TRHDE: variants seen among roughly 807,000 people sequenced by gnomAD.
The protein encoded by TRHDE is thyrotropin releasing hormone degrading enzyme.
TRHDE carries 72 observed loss-of-function variants against 125.7 expected under a neutral mutation model. That is an observed-to-expected ratio of 0.57 (90% CI 0.47 to 0.70). The LOEUF (loss-of-function observed/expected upper bound fraction) is 0.70. TRHDE is among the 30% of genes least tolerant of loss of function. The probability of loss-of-function intolerance (pLI) is 0.00; values close to 1 mark genes in which losing one functional copy is unlikely to be tolerated. For missense variants in TRHDE, 1,110 were observed against 1,327.1 expected, an observed-to-expected ratio of 0.84 and a Z score of 2.54; for synonymous variants, 509 against 509.1, an observed-to-expected ratio of 1.00 and a Z score of 0.00.
At chr12:72,519,645 G>A (rs943749678) in intron 6 of TRHDE, among the ~76,000 whole-genome samples, 12 of 152,326 alleles carry the variant, frequency 7.9e-5, no homozygotes, top group Admixed American at 3.3e-4. Context: ...CTCTCAGCTC[G>A]TCAAAGTCAT....
At chr12:72,343,706 TTTTTGAAGTGAAAAAAAGAATTGAC>T (rs1440689899) in intron 2 of TRHDE, among the ~76,000 whole-genome samples, 2 of 152,134 alleles carry the variant, frequency 1.3e-5, no homozygotes, top group Non-Finnish European at 2.9e-5. Flanking sequence ...TCTTATATGA[TTTTTGAAGTGAAAAAAAGAATTGAC>T]TGTAGATAGA....
intron 5 of TRHDE, among the ~76,000 whole-genome samples, chr12:72,480,124 C>T (rs1263170023): frequency 2.0e-5 from 3 of 151,906 alleles, no homozygotes; most frequent in East Asian, 3.9e-4. Context: ...AATAAACATA[C>T]GTGTGCATGT....
chr12:72,614,676 A>T lies in TRHDE; in HGVS notation c.2322-4215A>T, dbSNP rs921542992. Among the ~76,000 whole-genome samples, 7 of 152,224 alleles carry T rather than the reference A, an allele frequency of 4.6e-5. No individual in the cohort carries two copies. The South Asian group carries it at 1.2e-3, about 27-fold the overall frequency. ...AGAGTAGAGTATGATGCTCCAAAGA[A>T]TCTGAGAATTGTGTTTTATTTTTAT... On this transcript the variant is annotated intron_variant, in intron 12 of 18. Coordinates refer to ENST00000261180, the MANE Select transcript of TRHDE (RefSeq NM_013381.3).
chr12:72,534,851 AT>A, intron 6 of TRHDE, among the ~76,000 whole-genome samples: 1 of 152,234 alleles, frequency 6.6e-6, no homozygotes, highest in South Asian at 2.1e-4. Flanking sequence ...ACTGATATAA[AT>A]AAGCATGATT....
At chr12:72,250,721 G>A (rs1176315621) in intron 2 of TRHDE, among the ~76,000 whole-genome samples, 1 of 151,226 alleles carries the variant, frequency 6.6e-6, no homozygotes, top group Non-Finnish European at 1.5e-5. Context: ...CTTTCCCTTT[G>A]GCCAGAGAAA....
intron 2 of TRHDE, among the ~76,000 whole-genome samples, chr12:72,298,771 A>G (rs1237654150): frequency 1.3e-5 from 2 of 152,204 alleles, no homozygotes; most frequent in Admixed American, 1.3e-4. Context: ...TGGAGATAAT[A>G]CAAAATGTCT....
chr12:72,213,075 A>G (rs1273722986), intron 2 of TRHDE, among the ~76,000 whole-genome samples: 1 of 152,194 alleles, frequency 6.6e-6, no homozygotes, highest in Admixed American at 6.6e-5. Context: ...GAAAGAAGAT[A>G]GTCACAAAAG....
At chr12:72,153,841 G>A (rs546003713) in intron 2 of TRHDE, among the ~76,000 whole-genome samples, 44 of 152,336 alleles carry the variant, frequency 2.9e-4, no homozygotes, top group South Asian at 1.2e-3. Context: ...TGGAATAGGT[G>A]TGGTGTGCTG....
intron 2 of TRHDE, among the ~76,000 whole-genome samples, chr12:72,330,738 C>G (rs1869555469): frequency 6.6e-6 from 1 of 152,140 alleles, no homozygotes. Flanking sequence ...AAATAATATC[C>G]TATTAAAAAT....
intron 3 of TRHDE, among the ~76,000 whole-genome samples, chr12:72,457,047 A>G (rs181771719): frequency 6.6e-6 from 1 of 152,322 alleles, no homozygotes; most frequent in East Asian, 1.9e-4. Context: ...AATGAAAGAC[A>G]TGGTTCATAA....
chr12:72,510,006 CCAGT>C (rs1191665503), intron 6 of TRHDE, among the ~76,000 whole-genome samples: 13 of 151,958 alleles, frequency 8.6e-5, no homozygotes, highest in African/African-American at 1.7e-4. Context: ...ATTGTGTTGC[CCAGT>C]CATTTAGTTT....
At chr12:72,548,936 C>A (rs1869547784) in intron 7 of TRHDE, among the ~76,000 whole-genome samples, 1 of 151,706 alleles carries the variant, frequency 6.6e-6, no homozygotes, top group South Asian at 2.1e-4. Flanking sequence ...ATTGAGTCAC[C>A]TTCCTGCTCA....
intron 3 of TRHDE, among the ~76,000 whole-genome samples, chr12:72,424,290 G>C (rs1874093286): frequency 6.6e-6 from 1 of 152,010 alleles, no homozygotes; most frequent in South Asian, 2.1e-4. Flanking sequence ...CATTCTTCCT[G>C]TGTGTCTCTG....
chr12:72,265,138 A>G (rs1402567809), intron 2 of TRHDE, among the ~76,000 whole-genome samples: 2 of 151,626 alleles, frequency 1.3e-5, no homozygotes, highest in Non-Finnish European at 2.9e-5. Context: ...AAAAAAAAAG[A>G]CCCAACATAT....
chr12:72,506,764 A>G (rs1878372929), intron 6 of TRHDE, among the ~76,000 whole-genome samples: 1 of 152,164 alleles, frequency 6.6e-6, no homozygotes, highest in Non-Finnish European at 1.5e-5. Context: ...TGCCATCCAG[A>G]GACAAGGATA....
At chr12:72,607,880 T>C (rs1178457754) in intron 12 of TRHDE, among the ~76,000 whole-genome samples, 1 of 152,132 alleles carries the variant, frequency 6.6e-6, no homozygotes, top group East Asian at 1.9e-4. Context: ...CCCTTTAGCA[T>C]CACTAGAATA....
At chr12:72,111,268 T>C (rs1265513992) in intron 2 of TRHDE, among the ~76,000 whole-genome samples, 1 of 152,188 alleles carries the variant, frequency 6.6e-6, no homozygotes, top group African/African-American at 2.4e-5. Flanking sequence ...TGATGATGTA[T>C]GTTAGATACA....
chr12:72,091,361 C>T (rs552561263), intron 1 of TRHDE, among the ~76,000 whole-genome samples: 29 of 152,224 alleles, frequency 1.9e-4, no homozygotes, highest in African/African-American at 7.0e-4. Context: ...CCTGTAATAG[C>T]CTATGGGTTC....
At chr12:72,418,941 G>A (rs892880902) in intron 3 of TRHDE, among the ~76,000 whole-genome samples, 1 of 152,122 alleles carries the variant, frequency 6.6e-6, no homozygotes, top group African/African-American at 2.4e-5. Flanking sequence ...GTTATCCAAG[G>A]AAGCACATGG....
Sources: gnomAD v4.1 joint callset for allele counts (sites outside exome capture counted in the v4.1 genomes callset) on GRCh38, gnomAD v4.1.1 for gene constraint, MANE v1.5 for transcripts, NCBI Gene and HGNC (gene_info 2026-07-23, HGNC 2026-07-21) for gene names.